The following FNTA variants were observed in gnomAD, a reference collection of about 807,000 sequenced individuals.
FNTA encodes the protein protein farnesyltransferase/geranylgeranyltransferase type-1 subunit alpha.
Under a neutral mutation model 55.2 loss-of-function variants are expected in FNTA, and 27 were observed. The ratio of observed to expected loss-of-function variants is 0.49; its 90% CI spans 0.36 to 0.67. The LOEUF (loss-of-function observed/expected upper bound fraction) is 0.67, where lower values mean the gene tolerates loss of function less well. FNTA is among the 30% of genes least tolerant of loss of function. The pLI is 0.00. For missense variants in FNTA, 422 were observed against 464.7 expected (o/e 0.91, Z 0.85); for synonymous variants, 176 against 170.7 (o/e 1.03, Z -0.24).
At chr8:43,057,464 C>T (rs1180842220) in intron 1 of FNTA, among the ~76,000 whole-genome samples, 1 of 152,158 alleles carries the variant, frequency 6.6e-6, no homozygotes, top group Non-Finnish European at 1.5e-5. Context: ...TACTCAGGTT[C>T]TCACGTGACT....
Position 43,056,492 on chromosome 8 carries a change from C to T in FNTA, c.146C>T (p.Ser49Phe). The part of the protein sequence containing the change: ...MAAEAGEAVA[S>F]PMDDGFVSLD... ...GCCGAGGCTGGGGAAGCCGTGGCGT[C>T]CCCCATGGACGACGGGTTTGTGAGC... Residue 49 changes from serine to phenylalanine, a missense_variant, in exon 1 of 9, where the codon TCC becomes TTC. Ser to Phe is a radical substitution (Grantham distance 155, BLOSUM62 -2). Around this residue, in one of 2 missense-constraint regions of FNTA, gnomAD observed 160 missense variants for 121.6 expected, o/e 1.32. Coordinates refer to ENST00000302279, the MANE Select transcript of FNTA (RefSeq NM_002027.3). The T allele has an allele frequency of 6.4e-7, 1 of 1,572,280 alleles. No homozygotes were observed. The highest frequency in any genetic ancestry group is 1.2e-5 in the South Asian group (1 of 84,936).
At chr8:43,060,582 G>A (rs1170523481) in intron 2 of FNTA, among the ~76,000 whole-genome samples, 1 of 151,970 alleles carries the variant, frequency 6.6e-6, no homozygotes, top group African/African-American at 2.4e-5. Flanking sequence ...GGCTGAGGCA[G>A]GAGAATTGCT....
chr8:43,076,350 T>TA (rs1329964263), intron 5 of FNTA, among the ~76,000 whole-genome samples: 3 of 151,954 alleles, frequency 2.0e-5, no homozygotes, highest in African/African-American at 7.2e-5. Flanking sequence ...GGACTGTCTT[T>TA]ATTATTTTTC....
chr8:43,075,982 A>G (rs983857023), intron 5 of FNTA, among the ~76,000 whole-genome samples: 28 of 151,244 alleles, frequency 1.9e-4, no homozygotes, highest in African/African-American at 6.1e-4. Flanking sequence ...GATCCTCTTC[A>G]GCCTCCTGAG....
At chr8:43,069,935 C>T (rs957001904) in intron 4 of FNTA, among the ~76,000 whole-genome samples, 13 of 151,928 alleles carry the variant, frequency 8.6e-5, no homozygotes, top group African/African-American at 2.7e-4. Context: ...TGAGCCATTG[C>T]GCCTGGCCTA....
intron 4 of FNTA, among the ~76,000 whole-genome samples, chr8:43,071,680 G>A (rs1452328150): frequency 1.4e-5 from 2 of 147,586 alleles, no homozygotes; most frequent in East Asian, 2.0e-4. Context: ...GGGAACAAGA[G>A]CGAGACTTCG....
intron 5 of FNTA, among the ~76,000 whole-genome samples, chr8:43,073,937 G>A (rs1172807281): frequency 1.3e-5 from 2 of 152,092 alleles, no homozygotes; most frequent in Admixed American, 6.6e-5. Flanking sequence ...TTTCAATGAG[G>A]ATTTAATGAA....
chr8:43,069,679 G>A lies in FNTA; in HGVS notation c.506+20G>A. 6.7e-7 allele frequency: 1 copy of A among 1,492,110 alleles called. No homozygotes were observed. Among genetic ancestry groups the A allele is most frequent in the African/African-American group, 1.4e-5 (1 of 72,478 alleles). 92.4% of individuals were successfully genotyped at this position (1,492,110 alleles called of 1,614,324 possible). A position where few individuals can be genotyped will look rare whatever the true frequency, so the allele number is the denominator to read the frequency against. On this transcript the variant is annotated intron_variant, in intron 4 of 8. Coordinates refer to ENST00000302279, the MANE Select transcript of FNTA (RefSeq NM_002027.3). ...AGTTTGGTAAGTTTGGAGTCTAGCT[G>A]TGTCTCCCAGGCTGGAGTGCAGTGG...
chr8:43,066,289 C>T (rs1472307645), intron 3 of FNTA, among the ~76,000 whole-genome samples: 1 of 149,550 alleles, frequency 6.7e-6, no homozygotes, highest in East Asian at 1.9e-4. Context: ...CAGAGTCTCG[C>T]TCAGTTGCCC....
chr8:43,061,211 A>G (rs898294341), intron 2 of FNTA, among the ~76,000 whole-genome samples: 4 of 152,216 alleles, frequency 2.6e-5, no homozygotes, highest in Non-Finnish European at 5.9e-5. Flanking sequence ...TTATCTTACA[A>G]CCTAGCAGTG....
In FNTA at chr8:43,085,162, A is replaced by T. The variant is rs988037640; in HGVS notation, c.1020A>T (p.Leu340Phe). The T allele has an allele frequency of 6.5e-7, 1 of 1,532,276 alleles. No individual in the cohort carries two copies. Among genetic ancestry groups the T allele is most frequent in the Non-Finnish European group, 8.9e-7 (1 of 1,128,596 alleles). The allele number at this position is 1,532,276 out of a possible 1,614,324, so 94.9% of individuals were successfully genotyped here. A position where few individuals can be genotyped will look rare whatever the true frequency, so the allele number is the denominator to read the frequency against. ...TAATTTTTATTTTTCATTTTCAGTT[A>T]TGTGAAATCCTAGCTAAAGAAAAGG... ...KEDILNKALE[L>F]CEILAKEKDT... Residue 340 changes from leucine (L) to phenylalanine (F), a missense_variant and splice_region_variant, in exon 9 of 9, where the codon TTA becomes TTT. By Grantham distance (22) the Leu-to-Phe change is conservative. Around this residue, in one of 2 missense-constraint regions of FNTA, gnomAD observed 262 missense variants for 343.1 expected, o/e 0.76. Transcript: ENST00000302279.
rs1307982368 is a variant in FNTA, at chr8:43,067,227, A to G, written c.402-2328A>G. Among the ~76,000 whole-genome samples the G allele has an allele frequency of 2.0e-5, 3 of 152,184 alleles. No homozygotes were observed. In the East Asian group the frequency reaches 5.8e-4, roughly 29 times the overall value. Reference sequence around the variant, plus strand: ...CGGTCTTGGCCGCCAAGGACTCTTTATATAGACTTTCCACTGTTTTTAGTC... The same window carrying G: ...CGGTCTTGGCCGCCAAGGACTCTTTGTATAGACTTTCCACTGTTTTTAGTC... On this transcript the variant is annotated intron_variant, in intron 3 of 8. Coordinates refer to ENST00000302279, the MANE Select transcript of FNTA (RefSeq NM_002027.3).
At position 43,072,208 on chromosome 8, in the gene FNTA, G is replaced by C. The variant is rs762296755; in HGVS notation, c.534G>C (p.Trp178Cys). Reference protein sequence around the residue: ...VWHHRRVLVEWLRDPSQELEF... With the variant: ...VWHHRRVLVECLRDPSQELEF... Reference sequence around the variant, plus strand: ...ATCATAGGCGAGTATTAGTGGAATGGCTAAGAGATCCATCTCAGGAGCTTG... The same window carrying C: ...ATCATAGGCGAGTATTAGTGGAATGCCTAAGAGATCCATCTCAGGAGCTTG... The change falls in exon 5 of 9, where the codon TGG becomes TGC. Residue 178 changes from tryptophan (W) to cysteine (C), a missense_variant. Physicochemically the swap from Trp to Cys is radical, Grantham distance 215. This residue lies in a region of FNTA where 262 missense variants were observed against 343.1 expected (regional missense o/e 0.76). Transcript: ENST00000302279. 5.7e-6 allele frequency: 9 copies of C among 1,575,102 alleles called. No individual in the cohort carries two copies. The highest frequency in any genetic ancestry group is 7.8e-6 in the Non-Finnish European group (9 of 1,161,052).
chr8:43,085,765 A>C lies in FNTA; in HGVS notation c.*483A>C, dbSNP rs1256231185. 1 of 155,038 alleles carries C rather than the reference A, an allele frequency of 6.5e-6. No homozygotes were observed. Among genetic ancestry groups the C allele is most frequent in the Non-Finnish European group, 1.4e-5 (1 of 69,896 alleles). The allele number at this position is 155,038 out of a possible 1,614,324, so 9.6% of individuals were successfully genotyped here. A position where few individuals can be genotyped will look rare whatever the true frequency, so the allele number is the denominator to read the frequency against. On this transcript the variant is annotated 3_prime_UTR_variant, in exon 9 of 9. Coordinates refer to ENST00000302279, the MANE Select transcript of FNTA (RefSeq NM_002027.3). ...TGCCAAAAGAACGGTTTTGTAATAAAATTATAGCTGTATCTAAAAACAATG... is the reference window on the plus strand; with the variant it reads ...TGCCAAAAGAACGGTTTTGTAATAACATTATAGCTGTATCTAAAAACAATG...
chr8:43,072,394 AACAC>A, intron 5 of FNTA, 87 bp downstream of exon 5: 1 of 970,398 alleles, frequency 1.0e-6, no homozygotes, highest in Admixed American at 3.2e-5. Flanking sequence ...TCTAAACCAA[AACAC>A]ACACATACGT....
intron 7 of FNTA, 42 bp downstream of exon 7, chr8:43,083,222 T>A: frequency 8.5e-7 from 1 of 1,174,006 alleles, no homozygotes; most frequent in Non-Finnish European, 1.2e-6. Context: ...AAAAAAGAAG[T>A]GGCTATATGA....
intron 3 of FNTA, among the ~76,000 whole-genome samples, chr8:43,065,962 T>G (rs1374821379): frequency 6.6e-6 from 1 of 151,334 alleles, no homozygotes. Context: ...TCTCTTAGCT[T>G]CTTTTCAGGT....
chr8:43,077,780 A>T (rs1290290015), intron 6 of FNTA: 3 of 153,248 alleles, frequency 2.0e-5, no homozygotes, highest in African/African-American at 7.2e-5. Context: ...CTTAAAACAA[A>T]AATGTTTTCA....
At chr8:43,080,327 C>A in intron 6 of FNTA, 1 of 152,408 alleles carries the variant, frequency 6.6e-6, no homozygotes, top group South Asian at 2.0e-4. Flanking sequence ...CTACCCTGAT[C>A]AGTCAGCAGC....
Sources: allele counts gnomAD v4.1 joint callset (sites outside exome capture counted in the v4.1 genomes callset), GRCh38; gene constraint gnomAD v4.1.1; regional missense constraint gnomAD v4.1.1; transcripts MANE v1.5; gene names NCBI Gene and HGNC (gene_info 2026-07-23, HGNC 2026-07-21).